The following ENDOV variants were observed in gnomAD, a reference collection of about 807,000 sequenced individuals.
ENDOV encodes the protein hEndoV.
Under a neutral mutation model 39.4 loss-of-function variants are expected in ENDOV, and 37 were observed. The ratio of observed to expected loss-of-function variants is 0.94; its 90% CI spans 0.72 to 1.23. The LOEUF is 1.23. Ranked by LOEUF, ENDOV falls within the 50% of genes most tolerant of loss-of-function variation. The pLI, the probability that ENDOV is intolerant of heterozygous loss-of-function variation, is 0.00. For synonymous variants in ENDOV, 186 were observed against 163.4 expected, an observed-to-expected ratio of 1.14 and a Z score of -1.05; for missense variants, 441 against 375.7, an observed-to-expected ratio of 1.17 and a Z score of -1.44.
At chr17:80,426,991 G>GA (rs1274901226) in intron 7 of ENDOV, among the ~76,000 whole-genome samples, 4 of 152,364 alleles carry the variant, frequency 2.6e-5, no homozygotes, top group African/African-American at 9.6e-5. Context: ...AGCACCGGTG[G>GA]AAAACCCCCA....
At chr17:80,426,566 AC>A (rs1490480843) in intron 7 of ENDOV, among the ~76,000 whole-genome samples, 2 of 152,202 alleles carry the variant, frequency 1.3e-5, no homozygotes, top group Non-Finnish European at 2.9e-5. Flanking sequence ...CGGGAGGATC[AC>A]CTGAGCCCAG....
Position 80,415,656 on chromosome 17 carries a change from A to G in ENDOV, c.63A>G (p.Gln21=). ...GACGCTTCTGTCCTCCTAGGGAGCA[A>G]GCTCGGCTGAAGGCCCACGTCGTAG... ...EETLSLWKRE[Q]ARLKAHVVDR... is the part of the protein sequence containing the mutation. The change falls in exon 2 of 10, where the codon CAA becomes CAG. Residue 21 remains glutamine, a synonymous_variant. Coordinates refer to ENST00000518137, the MANE Select transcript of ENDOV (RefSeq NM_173627.5). 5 of 1,612,344 alleles carry G rather than the reference A, an allele frequency of 3.1e-6. No individual in the cohort carries two copies. Among genetic ancestry groups the G allele is most frequent in the Non-Finnish European group, 4.2e-6 (5 of 1,179,256 alleles).
At chr17:80,429,705 T>A in intron 8 of ENDOV, 68 bp from the exon 9 acceptor site, 1 of 1,464,786 alleles carries the variant, frequency 6.8e-7, no homozygotes, top group South Asian at 1.3e-5. Context: ...AGACCCCATC[T>A]GGGGTGTGAG....
intron 9 of ENDOV, chr17:80,430,290 A>C: frequency 6.6e-7 from 1 of 1,504,102 alleles, no homozygotes; most frequent in Non-Finnish European, 8.8e-7. Flanking sequence ...CGACCCCTGC[A>C]GCCTGTGCTT....
chr17:80,419,765 T>A, intron 2 of ENDOV: 1 of 680,140 alleles, frequency 1.5e-6, no homozygotes, highest in South Asian at 1.5e-5. Context: ...CAATCCATCT[T>A]TCCGTCTGCA....
At chr17:80,427,501 G>A (rs1378361738) in intron 7 of ENDOV, 2 of 985,328 alleles carry the variant, frequency 2.0e-6, no homozygotes, top group African/African-American at 1.7e-5. Flanking sequence ...CAAATCCTGG[G>A]CCCACCCTCC....
At position 80,415,767 on chromosome 17, in the gene ENDOV, G is replaced by C; in HGVS notation, c.174G>C (p.Gly58=). 6.2e-7 allele frequency: 1 copy of C among 1,605,614 alleles called. No individual in the cohort carries two copies. Among genetic ancestry groups the C allele is most frequent in the South Asian group, 1.1e-5 (1 of 89,364 alleles). The part of the protein sequence containing the change: ...VGGVDVSFVK[G]DSVRACASLV... Reference sequence around the variant, plus strand: ...GCGTTGACGTGTCCTTCGTGAAAGGGGACAGTGTCCGCGCTTGTGCTTCCC... The same window carrying C: ...GCGTTGACGTGTCCTTCGTGAAAGGCGACAGTGTCCGCGCTTGTGCTTCCC... The change falls in exon 2 of 10, where the codon GGG becomes GGC. Residue 58 remains glycine (G), a synonymous_variant. Transcript: ENST00000518137.
intron 2 of ENDOV, chr17:80,419,400 G>T: frequency 1.7e-6 from 1 of 576,058 alleles, no homozygotes; most frequent in Non-Finnish European, 3.1e-6. Flanking sequence ...GCTGAGCCAT[G>T]GCTGGTGTGT....
intron 9 of ENDOV, among the ~76,000 whole-genome samples, chr17:80,432,930 C>T (rs1339967327): frequency 1.3e-5 from 2 of 152,192 alleles, no homozygotes; most frequent in Admixed American, 6.5e-5. Flanking sequence ...AGTCAAAGGG[C>T]TCCACCACCC....
At chr17:80,419,347 A>G (rs2081640643) in intron 2 of ENDOV, 1 of 512,166 alleles carries the variant, frequency 2.0e-6, no homozygotes, top group Non-Finnish European at 3.5e-6. Context: ...CACTGTCCTT[A>G]GCATCCCTGA....
intron 6 of ENDOV, 50 bp downstream of exon 6, chr17:80,425,150 C>A: frequency 6.6e-7 from 1 of 1,517,800 alleles, no homozygotes; most frequent in East Asian, 2.4e-5. Context: ...GTAGGGGATC[C>A]TTTGCAGGCA....
At position 80,428,580 on chromosome 17, in the gene ENDOV, C is replaced by T. The variant is rs564532845; in HGVS notation, c.715-16C>T. The stretch of plus-strand genomic sequence containing the variant: ...GAGACCAGCTCAGCACCCAGCAGCA[C>T]GTCTGTCTCCCCCAGGCTGACATCT... On this transcript the variant is annotated splice_polypyrimidine_tract_variant and intron_variant, in intron 7 of 9. Transcript: ENST00000518137. 4.1e-5 allele frequency: 64 copies of T among 1,571,490 alleles called. 1 individual carries two copies. The South Asian group carries it at 4.9e-4, about 12-fold the overall frequency.
At chr17:80,425,407 T>G in intron 6 of ENDOV, 85 bp from the exon 7 acceptor site, 1 of 1,508,286 alleles carries the variant, frequency 6.6e-7, no homozygotes, top group Non-Finnish European at 8.9e-7. Flanking sequence ...CAGGACATTT[T>G]GTCAGAGCTC....
chr17:80,431,286 GCCCCACC>G (rs1469435153), intron 9 of ENDOV, among the ~76,000 whole-genome samples: 3 of 152,176 alleles, frequency 2.0e-5, no homozygotes, highest in East Asian at 3.9e-4. Flanking sequence ...GGGAGTGCTG[GCCCCACC>G]CGCCTGCGCT....
At chr17:80,429,865 G>T (rs2083188993) in intron 9 of ENDOV, 34 bp downstream of exon 9, 1 of 1,612,678 alleles carries the variant, frequency 6.2e-7, no homozygotes, top group East Asian at 2.2e-5. Context: ...CACAGCCCAG[G>T]CCCCAGGACA....
At chr17:80,420,074 A>G (rs2081786506) in intron 2 of ENDOV, 3 of 232,882 alleles carry the variant, frequency 1.3e-5, no homozygotes, top group Non-Finnish European at 1.7e-5. Context: ...GCTCTGGAAT[A>G]TTCTCTCTCG....
At chr17:80,420,354 G>A (rs2081838712) in intron 2 of ENDOV, 1 of 152,212 alleles carries the variant, frequency 6.6e-6, no homozygotes, top group Admixed American at 6.5e-5. Flanking sequence ...CTTTTACTCT[G>A]TGGGGATGTC....
intron 5 of ENDOV, 188 bp downstream of exon 5, chr17:80,423,820 C>T (rs1040600692): frequency 2.3e-5 from 14 of 598,362 alleles, no homozygotes; most frequent in East Asian, 8.9e-5. Context: ...CAGCTGAGGG[C>T]GCTCTGAGCT....
chr17:80,421,895 G>A lies in ENDOV; in HGVS notation c.296G>A (p.Arg99Gln), dbSNP rs370977155. Residue 99 changes from arginine to glutamine, a missense_variant, in exon 3 of 10, where the codon CGA becomes CAA. Transcript: ENST00000518137. ...APYVSGFLAF[R>Q]EVPFLLELVQ... ...TACGTGTCGGGCTTCCTGGCCTTCC[G>A]AGAGGTGCCCTTCTTGCTGGAGCTG... 1.4e-3 allele frequency: 2,322 copies of A among 1,610,130 alleles called. 52 individuals carry two copies. In the South Asian group the frequency reaches 0.024, roughly 17 times the overall value.
Sources: allele counts gnomAD v4.1 joint callset (sites outside exome capture counted in the v4.1 genomes callset), GRCh38; gene constraint gnomAD v4.1.1; transcripts MANE v1.5; gene names NCBI Gene and HGNC (gene_info 2026-07-23, HGNC 2026-07-21).